Variants in MIS18BP1 observed in about 807,000 individuals in gnomAD.
MIS18BP1 encodes the protein MIS18 binding protein 1.
Under a neutral mutation model 116.1 loss-of-function variants are expected in MIS18BP1, and 72 were observed. That is an observed-to-expected ratio of 0.62 (90% CI 0.51 to 0.75). MIS18BP1 has a LOEUF of 0.75. Ranked by LOEUF, MIS18BP1 falls within the 30% of genes least tolerant of loss-of-function variation. The pLI, the probability that MIS18BP1 is intolerant of heterozygous loss-of-function variation, is 0.00. For synonymous variants in MIS18BP1, 386 were observed against 427.0 expected, an observed-to-expected ratio of 0.90 and a Z score of 1.18; for missense variants, 1,363 against 1,303.2, an observed-to-expected ratio of 1.05 and a Z score of -0.71.
intron 15 of MIS18BP1, among the ~76,000 whole-genome samples, 200 bp from the exon 16 acceptor site, chr14:45,204,653 T>G (rs763712327): frequency 1.3e-5 from 2 of 152,094 alleles, no homozygotes; most frequent in African/African-American, 2.4e-5. Flanking sequence ...TTACTCAATG[T>G]TGTTTCCCAG....
At chr14:45,250,117 C>G (rs1484462080) in intron 1 of MIS18BP1, 1 of 152,058 alleles carries the variant, frequency 6.6e-6, no homozygotes, top group Non-Finnish European at 1.5e-5. Context: ...ACAGAGCTTT[C>G]TGTTTCCTAA....
intron 14 of MIS18BP1, among the ~76,000 whole-genome samples, chr14:45,207,567 C>T (rs1282561080): frequency 1.3e-5 from 2 of 152,186 alleles, no homozygotes. Flanking sequence ...ATGAGAATTG[C>T]TTGAACCTGG....
intron 4 of MIS18BP1, among the ~76,000 whole-genome samples, chr14:45,240,843 A>C (rs961296426): frequency 6.6e-6 from 1 of 152,250 alleles, no homozygotes; most frequent in African/African-American, 2.4e-5. Context: ...CGGAGGTTGC[A>C]ATGAGCTGAG....
At chr14:45,222,161 G>C (rs1890992937) in intron 11 of MIS18BP1, among the ~76,000 whole-genome samples, 2 of 152,110 alleles carry the variant, frequency 1.3e-5, no homozygotes, top group African/African-American at 4.8e-5. Context: ...ACAGCATATA[G>C]TTAGATCATG....
rs1405168082 is a variant in MIS18BP1, at chr14:45,204,091, T to C, written c.*18A>G. The C allele has an allele frequency of 6.2e-7, 1 of 1,604,478 alleles. No homozygotes were observed. The highest frequency in any genetic ancestry group is 1.3e-5 in the African/African-American group (1 of 74,348). Reference sequence around the variant, plus strand: ...TGCTTTATGGTAAAAATCCCAGGAATCATATTTTCTCATTTTACTATGCAG... The same window carrying C: ...TGCTTTATGGTAAAAATCCCAGGAACCATATTTTCTCATTTTACTATGCAG... On this transcript the variant is annotated 3_prime_UTR_variant, in exon 17 of 17. Transcript: ENST00000310806.
chr14:45,213,351 G>A (rs1449604433), intron 13 of MIS18BP1, among the ~76,000 whole-genome samples: 5 of 152,210 alleles, frequency 3.3e-5, no homozygotes, highest in Non-Finnish European at 7.3e-5. Context: ...AATGATGGGG[G>A]TCTGCAGGTT....
chr14:45,249,511 C>T (rs1891811915), intron 1 of MIS18BP1, among the ~76,000 whole-genome samples: 1 of 152,198 alleles, frequency 6.6e-6, no homozygotes, highest in African/African-American at 2.4e-5. Context: ...AGTGAGCCAC[C>T]ATGTCTGGCT....
intron 13 of MIS18BP1, among the ~76,000 whole-genome samples, chr14:45,215,800 G>A (rs1165799892): frequency 6.6e-6 from 1 of 151,526 alleles, no homozygotes; most frequent in Non-Finnish European, 1.5e-5. Flanking sequence ...TGCCTCCTGG[G>A]TTCATGCTAT....
rs749693723 is a variant in MIS18BP1 at position 45,231,163 on chromosome 14, G to GT, written c.1571dup (p.Tyr524Ter). Residue 524 changes from tyrosine (Y) to a stop codon, truncating the protein, a stop_gained and frameshift_variant, in exon 8 of 17, where the codon TAC becomes TAAC. Coordinates refer to ENST00000310806, the MANE Select transcript of MIS18BP1 (RefSeq NM_018353.5). LOFTEE classifies it high-confidence loss of function. ...TDTAQRATTTYDFDCDNLELK... is the reference protein window; with the variant it reads ...TDTAQRATTT ...TACCCAAATTATCACAATCAAAATCGTAAGTGGTGGTGGCTCTTTGAGCAG... is the reference window on the plus strand; with the variant it reads ...TACCCAAATTATCACAATCAAAATCGTTAAGTGGTGGTGGCTCTTTGAGCAG... 3 of 1,610,608 alleles carry GT rather than the reference G, an allele frequency of 1.9e-6. No individual in the cohort carries two copies. The highest frequency in any genetic ancestry group is 2.2e-5 in the East Asian group (1 of 44,864).
At position 45,224,344 on chromosome 14, in the gene MIS18BP1, A is replaced by T; in HGVS notation, c.2243T>A (p.Leu748Ter). ...ATTTTCTATTTTCTTCAATTTTGGT[A>T]ATAGTCTGGTATTTTTCTTAAAGTC... ...TSDFKKNTRL[L>*]PKLKKIENQV... is the part of the protein sequence containing the mutation. The change falls in exon 11 of 17, where the codon TTA becomes TAA. Residue 748 changes from leucine to a stop codon, truncating the protein, a stop_gained. Transcript: ENST00000310806. LOFTEE classifies it high-confidence loss of function. The T allele has an allele frequency of 6.2e-7, 1 of 1,613,868 alleles. No homozygotes were observed. The highest frequency in any genetic ancestry group is 8.5e-7 in the Non-Finnish European group (1 of 1,179,940).
rs570433620 is a variant in MIS18BP1, at chr14:45,249,173, T to A, written c.-91-1796A>T. On this transcript the variant is annotated intron_variant, in intron 1 of 16. Transcript: ENST00000310806. ...GTGATGCGATCTTGACTCACTGCAA[T>A]CTCCACCTCATGGGTTCAAGCAATT... Among the ~76,000 whole-genome samples, 8 of 152,118 alleles carry A rather than the reference T, an allele frequency of 5.3e-5. No individual in the cohort carries two copies. The South Asian group carries it at 1.7e-3, about 32-fold the overall frequency.
rs1378335883 is a variant in MIS18BP1 at position 45,224,058 on chromosome 14, AAG to A, written c.2527_2528del (p.Leu843SerfsTer6). The A allele has an allele frequency of 6.2e-7, 1 of 1,613,732 alleles. No homozygotes were observed. Among genetic ancestry groups the A allele is most frequent in the Non-Finnish European group, 8.5e-7 (1 of 1,179,980 alleles). On this transcript the variant is annotated frameshift_variant, in exon 11 of 17. Transcript: ENST00000310806. LOFTEE classifies it high-confidence loss of function. ...KKARPSVKET[L>X]QKSGVRKEFP... ...ACTCTTTCCTAACACCAGACTTCTG[AAG>A]AGTTTCTTTGACGGAAGGTCTAGCT...
rs1411052510 is a variant in MIS18BP1 at position 45,224,339 on chromosome 14, T to G, written c.2248A>C (p.Lys750Gln). 6.2e-7 allele frequency: 1 copy of G among 1,613,948 alleles called. No homozygotes were observed. The highest frequency in any genetic ancestry group is 8.5e-7 in the Non-Finnish European group (1 of 1,179,962). The change falls in exon 11 of 17, where the codon AAA becomes CAA. Residue 750 changes from lysine to glutamine, a missense_variant. Physicochemically the swap from Lys to Gln is moderately conservative, Grantham distance 53. Transcript: ENST00000310806. ...ACCTGATTTTCTATTTTCTTCAATT[T>G]TGGTAATAGTCTGGTATTTTTCTTA... is the stretch of plus-strand genomic sequence containing the variant. ...DFKKNTRLLP[K>Q]LKKIENQVAM...
chr14:45,228,112 G>A (rs1460652233), intron 8 of MIS18BP1, among the ~76,000 whole-genome samples: 1 of 152,130 alleles, frequency 6.6e-6, no homozygotes, highest in African/African-American at 2.4e-5. Flanking sequence ...GCAGTGAGCC[G>A]TGATTGTGCC....
intron 9 of MIS18BP1, 92 bp downstream of exon 9, chr14:45,227,571 C>G: frequency 5.9e-6 from 5 of 852,792 alleles, no homozygotes; most frequent in Non-Finnish European, 3.5e-6. Flanking sequence ...AAAAACAGAA[C>G]TCACGTCCCT....
intron 11 of MIS18BP1, 95 bp from the exon 12 acceptor site, chr14:45,218,549 G>T (rs1288416273): frequency 1.8e-6 from 2 of 1,123,832 alleles, no homozygotes; most frequent in Non-Finnish European, 2.4e-6. Context: ...GATTTACTGA[G>T]ATGAAGGAAT....
Position 45,205,575 on chromosome 14 carries a change from A to T in MIS18BP1, c.3240+508T>A, listed in dbSNP as rs866685439. On this transcript the variant is annotated intron_variant, in intron 15 of 16. Transcript: ENST00000310806. ...AGATCATTCTATTAAGGCATCTTTC[A>T]GTTAAAAATTTTTCTGTAGTTGGAT... 7.9e-5 allele frequency among the ~76,000 whole-genome samples: 12 copies of T among 152,178 alleles called. No individual in the cohort carries two copies. The South Asian group carries it at 1.9e-3, about 24-fold the overall frequency.
rs74811036 is a variant in MIS18BP1, at chr14:45,237,595, T to C, written c.1217+53A>G. On this transcript the variant is annotated intron_variant, in intron 5 of 16. Coordinates refer to ENST00000310806, the MANE Select transcript of MIS18BP1 (RefSeq NM_018353.5). Reference sequence around the variant, plus strand: ...TATTTCTCATGCATTAACTCTTAAGTGCTTACACATAACTAAAGTTTTATT... The same window carrying C: ...TATTTCTCATGCATTAACTCTTAAGCGCTTACACATAACTAAAGTTTTATT... 5.2e-3 allele frequency: 8,061 copies of C among 1,560,792 alleles called. 398 individuals carry two copies. The African/African-American group carries it at 0.1, about 19-fold the overall frequency.
At chr14:45,206,206 T>A (rs774517118) in intron 14 of MIS18BP1, 36 bp from the exon 15 acceptor site, 1 of 1,405,608 alleles carries the variant, frequency 7.1e-7, no homozygotes, top group Non-Finnish European at 9.9e-7. Context: ...GTCAACAATA[T>A]TTTTAAGTCA....
Sources: gnomAD v4.1 joint callset for allele counts (sites outside exome capture counted in the v4.1 genomes callset) on GRCh38, gnomAD v4.1.1 for gene constraint, MANE v1.5 for transcripts, NCBI Gene and HGNC (gene_info 2026-07-23, HGNC 2026-07-21) for gene names.